Variants in KLHL1 observed in about 807,000 individuals in gnomAD.
The protein encoded by KLHL1 is kelch like family member 1, also known as kelch-like protein 1.
Under a neutral mutation model 77.7 loss-of-function variants are expected in KLHL1, and 47 were observed. That is an observed-to-expected ratio of 0.60 (90% CI 0.48 to 0.77). KLHL1 has a LOEUF of 0.77. KLHL1 is among the 30% of genes least tolerant of loss of function. The pLI is 0.00. For missense variants in KLHL1, 925 were observed against 910.8 expected (o/e 1.02, Z -0.20); for synonymous variants, 360 against 325.2 (o/e 1.11, Z -1.15).
At chr13:69,779,748 G>A (rs1876035963) in intron 7 of KLHL1, among the ~76,000 whole-genome samples, 3 of 151,822 alleles carry the variant, frequency 2.0e-5, no homozygotes, top group African/African-American at 7.3e-5. Context: ...AGATGGTAAA[G>A]TTATCTGCTC....
chr13:69,743,830 A>C (rs1874089498), intron 7 of KLHL1, among the ~76,000 whole-genome samples: 1 of 151,720 alleles, frequency 6.6e-6, no homozygotes, highest in South Asian at 2.1e-4. Context: ...AACAGAAAAA[A>C]AAAAAAAACA....
At chr13:69,841,337 A>C (rs56139044) in intron 5 of KLHL1, among the ~76,000 whole-genome samples, 12,204 of 151,860 alleles carry the variant, frequency 0.08, 916 homozygotes, top group African/African-American at 0.2. Flanking sequence ...AACAAAAAAA[A>C]CAGTAGGTTT....
chr13:69,905,336 T>A (rs2138234159), intron 4 of KLHL1, among the ~76,000 whole-genome samples: 1 of 152,208 alleles, frequency 6.6e-6, no homozygotes, highest in African/African-American at 2.4e-5. Context: ...TTTTTAAAAA[T>A]TGTATGTCAA....
At chr13:69,783,994 A>G (rs1394412568) in intron 7 of KLHL1, among the ~76,000 whole-genome samples, 1 of 152,186 alleles carries the variant, frequency 6.6e-6, no homozygotes, top group Non-Finnish European at 1.5e-5. Flanking sequence ...TCTCAGCAGA[A>G]ACTCTACAAG....
At chr13:69,779,487 C>T (rs1876022994) in intron 7 of KLHL1, among the ~76,000 whole-genome samples, 1 of 148,534 alleles carries the variant, frequency 6.7e-6, no homozygotes, top group Non-Finnish European at 1.5e-5. Flanking sequence ...TGTTGCTTTC[C>T]TTTTCCCTTC....
At chr13:69,890,646 G>GCACACA (rs146517627) in intron 4 of KLHL1, among the ~76,000 whole-genome samples, 24 of 146,596 alleles carry the variant, frequency 1.6e-4, no homozygotes, top group African/African-American at 4.7e-4. Flanking sequence ...ACACACACAC[G>GCACACA]CACACACACA....
At chr13:69,982,215 C>T (rs1220664074) in intron 1 of KLHL1, among the ~76,000 whole-genome samples, 2 of 151,664 alleles carry the variant, frequency 1.3e-5, no homozygotes, top group African/African-American at 4.8e-5. Flanking sequence ...GGGCGGATTA[C>T]CTGAGTTCAG....
chr13:69,731,887 C>A (rs933367297), intron 8 of KLHL1, among the ~76,000 whole-genome samples: 3 of 151,628 alleles, frequency 2.0e-5, no homozygotes, highest in African/African-American at 7.3e-5. Context: ...AATAGAAAAA[C>A]AAAGTAAAAC....
intron 7 of KLHL1, among the ~76,000 whole-genome samples, chr13:69,780,718 A>G (rs1416353322): frequency 6.6e-4 from 41 of 61,720 alleles, no homozygotes; most frequent in African/African-American, 2.4e-3. Flanking sequence ...ATATATATGT[A>G]TATATATATA....
intron 1 of KLHL1, among the ~76,000 whole-genome samples, chr13:69,990,891 C>A (rs1885011503): frequency 6.6e-6 from 1 of 151,824 alleles, no homozygotes; most frequent in Admixed American, 6.6e-5. Flanking sequence ...CTAAAGTCAA[C>A]CATGCAATTG....
intron 1 of KLHL1, among the ~76,000 whole-genome samples, chr13:69,986,607 A>T (rs938368029): frequency 6.6e-6 from 1 of 151,970 alleles, no homozygotes; most frequent in Non-Finnish European, 1.5e-5. Flanking sequence ...TTTTATTCTT[A>T]TGGAGTGTTG....
intron 1 of KLHL1, among the ~76,000 whole-genome samples, chr13:70,091,511 C>G (rs896362124): frequency 6.6e-6 from 1 of 152,084 alleles, no homozygotes; most frequent in Non-Finnish European, 1.5e-5. Context: ...CACAAATTTT[C>G]ATTTATTTCT....
At chr13:69,741,720 A>G (rs1279497161) in intron 7 of KLHL1, among the ~76,000 whole-genome samples, 1 of 152,066 alleles carries the variant, frequency 6.6e-6, no homozygotes, top group Non-Finnish European at 1.5e-5. Context: ...TATAACTGTA[A>G]ATTATTTCTC....
chr13:70,014,947 C>T (rs1206558396), intron 1 of KLHL1, among the ~76,000 whole-genome samples: 1 of 151,850 alleles, frequency 6.6e-6, no homozygotes. Context: ...TAATACATAA[C>T]ATGTGGTTTA....
chr13:69,811,219 A>T (rs1294794168), intron 6 of KLHL1, among the ~76,000 whole-genome samples: 1 of 152,082 alleles, frequency 6.6e-6, no homozygotes, highest in African/African-American at 2.4e-5. Flanking sequence ...AGAAACAAAA[A>T]TCCTCAACAA....
rs530845348 is a variant in KLHL1, at chr13:69,722,972, A to C, written c.1803-3391T>G. 1.3e-3 allele frequency among the ~76,000 whole-genome samples: 195 copies of C among 152,222 alleles called. 1 individual carries two copies. Among genetic ancestry groups the C allele is most frequent in the Middle Eastern group, 3.4e-3 (1 of 294 alleles). ...GGAAATGTGCTCCATTTGTTGGAAC[A>C]CAATGGAATACTATTCAGCCATAAA... On this transcript the variant is annotated intron_variant, in intron 8 of 10. Coordinates refer to ENST00000377844, the MANE Select transcript of KLHL1 (RefSeq NM_020866.3).
chr13:69,967,450 G>T (rs1566454960), intron 2 of KLHL1, among the ~76,000 whole-genome samples: 2 of 152,188 alleles, frequency 1.3e-5, no homozygotes, highest in Non-Finnish European at 2.9e-5. Flanking sequence ...AGATGTAACT[G>T]AATTGCCGCA....
intron 3 of KLHL1, among the ~76,000 whole-genome samples, chr13:69,958,238 A>AAAT (rs75990668): frequency 0.044 from 6,604 of 150,230 alleles, 167 homozygotes; most frequent in Non-Finnish European, 0.053. Context: ...ACCAGTTACC[A>AAAT]AATAATAATA....
At chr13:70,019,377 G>C (rs1345473888) in intron 1 of KLHL1, among the ~76,000 whole-genome samples, 3 of 151,942 alleles carry the variant, frequency 2.0e-5, no homozygotes, top group African/African-American at 7.3e-5. Flanking sequence ...AGTTAATGAA[G>C]GTCCACTCAC....
Sources: allele counts gnomAD v4.1 joint callset (sites outside exome capture counted in the v4.1 genomes callset), GRCh38; gene constraint gnomAD v4.1.1; transcripts MANE v1.5; gene names NCBI Gene and HGNC (gene_info 2026-07-23, HGNC 2026-07-21).